Variants in BRD9 observed in about 807,000 individuals in gnomAD.
BRD9 encodes bromodomain containing 9, also known as bromodomain-containing protein 9.
In BRD9, 47 loss-of-function variants were observed where a neutral mutation model predicts 68.7. The observed-to-expected ratio is 0.68, with a 90% CI of 0.54 to 0.87. The LOEUF (loss-of-function observed/expected upper bound fraction) is 0.87. Among genes scored for constraint, BRD9 ranks in the 40% least tolerant of loss-of-function variants. The pLI, the probability that BRD9 is intolerant of heterozygous loss-of-function variation, is 0.00. For synonymous variants in BRD9, 313 were observed against 293.9 expected (o/e 1.06, Z -0.67); for missense variants, 670 against 748.4 (o/e 0.90, Z 1.22).
intron 10 of BRD9, chr5:878,793 C>A: frequency 2.6e-6 from 1 of 388,286 alleles, no homozygotes; most frequent in Middle Eastern, 7.1e-4. Flanking sequence ...CCGTCTGTCA[C>A]TGTGGAGGAT....
At chr5:884,655 C>T (rs55935400) in intron 7 of BRD9, among the ~76,000 whole-genome samples, 4,539 of 152,358 alleles carry the variant, frequency 0.03, 95 homozygotes, top group Middle Eastern at 0.071. Context: ...TAGAAGCAAG[C>T]GAGTGGGCTC....
chr5:888,312 T>C (rs1438582875), intron 5 of BRD9: 1 of 152,328 alleles, frequency 6.6e-6, no homozygotes, highest in Non-Finnish European at 1.5e-5. Flanking sequence ...GCTCTTAACA[T>C]CTACCCTCAG....
chr5:889,550 C>G lies in BRD9; in HGVS notation c.461+37G>C, dbSNP rs754929244. ...CCTCAGAAAAGATGACACCACACCC[C>G]CCCAGACACTAGCTCTTCAGAAACG... On this transcript the variant is annotated intron_variant, in intron 4 of 15. Coordinates refer to ENST00000467963, the MANE Select transcript of BRD9 (RefSeq NM_023924.5). The G allele has an allele frequency of 9.9e-6, 16 of 1,608,626 alleles. No individual in the cohort carries two copies. In the Admixed American group the frequency reaches 2.2e-4, roughly 22 times the overall value.
chr5:873,995 T>C (rs57723316), intron 12 of BRD9, among the ~76,000 whole-genome samples: 5,740 of 152,328 alleles, frequency 0.038, 341 homozygotes, highest in African/African-American at 0.13. Context: ...ATCCGGCCAT[T>C]ATCCACAAGT....
intron 12 of BRD9, 68 bp from the exon 13 acceptor site, chr5:871,632 A>G: frequency 1.4e-6 from 2 of 1,403,448 alleles, no homozygotes; most frequent in Non-Finnish European, 2.0e-6. Flanking sequence ...CAATTCGCTG[A>G]CATTACACAC....
chr5:889,776 T>A (rs775412702), intron 3 of BRD9, 129 bp from the exon 4 acceptor site: 1 of 1,512,874 alleles, frequency 6.6e-7, no homozygotes, highest in East Asian at 2.7e-5. Context: ...ACTGGGGATA[T>A]AAAGATACAT....
intron 3 of BRD9, among the ~76,000 whole-genome samples, chr5:890,739 C>A (rs991926238): frequency 6.6e-6 from 1 of 152,190 alleles, no homozygotes; most frequent in Non-Finnish European, 1.5e-5. Context: ...GGCTACTGTT[C>A]CAATACTGTC....
intron 4 of BRD9, 116 bp from the exon 5 acceptor site, chr5:889,281 G>T: frequency 8.7e-7 from 1 of 1,145,262 alleles, no homozygotes; most frequent in Non-Finnish European, 1.2e-6. Flanking sequence ...AAATAAAAAA[G>T]TTACGAGCGT....
At position 883,821 on chromosome 5, in the gene BRD9, C is replaced by G. The variant is rs534598006; in HGVS notation, c.966+117G>C. 4 of 1,436,474 alleles carry G rather than the reference C, an allele frequency of 2.8e-6. No homozygotes were observed. The Admixed American group carries it at 8.1e-5, about 29-fold the overall frequency. The allele number at this position is 1,436,474 out of a possible 1,614,324, so 89.0% of individuals were successfully genotyped here. Reference sequence around the variant, plus strand: ...ATCCGGACCTCCCGTCAGGGCCCCACGCTGACCTCTGGATCCCGGTGGCTG... The same window carrying G: ...ATCCGGACCTCCCGTCAGGGCCCCAGGCTGACCTCTGGATCCCGGTGGCTG... On this transcript the variant is annotated intron_variant, in intron 8 of 15. Coordinates refer to ENST00000467963, the MANE Select transcript of BRD9 (RefSeq NM_023924.5).
chr5:881,097 G>A lies in BRD9; in HGVS notation c.1042+10C>T, dbSNP rs776296903. ...GGAGAGCATAAAGCCAGCCCTGAGC[G>A]GGCACCCACCATCAGCGTCCGGCTC... On this transcript the variant is annotated intron_variant, in intron 9 of 15. Coordinates refer to ENST00000467963, the MANE Select transcript of BRD9 (RefSeq NM_023924.5). 2.5e-5 allele frequency: 41 copies of A among 1,613,608 alleles called. No homozygotes were observed. Among genetic ancestry groups the A allele is most frequent in the South Asian group, 1.1e-4 (10 of 91,072 alleles).
rs1752609804 is a variant in BRD9, at chr5:886,645, T to C, written c.780A>G (p.Pro260=). Residue 260 remains proline, a synonymous_variant, in exon 7 of 16, where the codon CCA becomes CCG. Transcript: ENST00000467963. The part of the protein sequence containing the change: ...AVEEPVPEVV[P]VQVETAKKSK... ...ATTTCTTGGCAGTTTCTACTTGTAC[T>C]GGTACAACTTCAGGGACAGGTTCCT... The C allele has an allele frequency of 6.2e-7, 1 of 1,614,210 alleles. No homozygotes were observed. The highest frequency in any genetic ancestry group is 1.1e-5 in the South Asian group (1 of 91,088).
At position 883,938 on chromosome 5, in the gene BRD9, C is replaced by T; in HGVS notation, c.966G>A (p.Lys322=). The stretch of plus-strand genomic sequence containing the variant: ...TCTCTCGGTGGCCACAGAGCACTAC[C>T]TTGCCGCCTGGGAGGAACCGGTTGA... ...DRINRFLPGG[K]MGYLKRNGDG... is the part of the protein sequence containing the mutation. The change falls in exon 8 of 16, where the codon AAG becomes AAA. Residue 322 remains lysine, a splice_region_variant and synonymous_variant. Transcript: ENST00000467963. The T allele has an allele frequency of 6.2e-7, 1 of 1,610,962 alleles. No homozygotes were observed. Among genetic ancestry groups the T allele is most frequent in the South Asian group, 1.1e-5 (1 of 91,010 alleles).
At chr5:886,866 G>A in intron 6 of BRD9, 159 bp from the exon 7 acceptor site, 1 of 1,304,656 alleles carries the variant, frequency 7.7e-7, no homozygotes, top group Non-Finnish European at 1.0e-6. Context: ...AGCCTCACCT[G>A]GCCTAAGAGC....
chr5:881,086 C>T (rs1004968301), intron 9 of BRD9, 21 bp downstream of exon 9: 1 of 1,612,814 alleles, frequency 6.2e-7, no homozygotes, highest in African/African-American at 1.3e-5. Flanking sequence ...AGCATAAAGC[C>T]AGCCCTGAGC....
intron 3 of BRD9, 121 bp from the exon 4 acceptor site, chr5:889,768 TGG>T (rs1351696138): frequency 1.3e-6 from 2 of 1,526,522 alleles, no homozygotes; most frequent in South Asian, 2.3e-5. Context: ...CACCGAGAAC[TGG>T]GGATATAAAG....
At position 865,363 on chromosome 5, in the gene BRD9, A is replaced by G. The variant is rs560270656; in HGVS notation, c.1693+51T>C. 1,646 of 1,514,438 alleles carry G rather than the reference A, an allele frequency of 1.1e-3. 29 individuals are homozygous for G. The South Asian group carries it at 0.019, about 18-fold the overall frequency. The allele number at this position is 1,514,438 out of a possible 1,614,324, so 93.8% of individuals were successfully genotyped here. On this transcript the variant is annotated intron_variant, in intron 15 of 15. Transcript: ENST00000467963. Reference sequence around the variant, plus strand: ...GCCCACTACCTCGTCTAGACGTCACACTGACTGTGCTGGGGTCTCTGGGGA... The same window carrying G: ...GCCCACTACCTCGTCTAGACGTCACGCTGACTGTGCTGGGGTCTCTGGGGA...
At chr5:890,145 A>G (rs988990824) in intron 3 of BRD9, 10 of 253,638 alleles carry the variant, frequency 3.9e-5, no homozygotes, top group Non-Finnish European at 7.1e-5. Flanking sequence ...CCAGGAGTGA[A>G]TCACGACACT....
Position 889,091 on chromosome 5 carries a change from T to C in BRD9, c.536A>G (p.His179Arg), listed in dbSNP as rs984336531. 2.6e-5 allele frequency: 42 copies of C among 1,611,662 alleles called. No individual in the cohort carries two copies. Among genetic ancestry groups the C allele is most frequent in the Non-Finnish European group, 3.6e-5 (42 of 1,179,398 alleles). The change falls in exon 5 of 16, where the codon CAT becomes CGT. Residue 179 changes from histidine (H) to arginine (R), a missense_variant. This residue lies in a region of BRD9 where 94 missense variants were observed against 157.2 expected (regional missense o/e 0.60). Coordinates refer to ENST00000467963, the MANE Select transcript of BRD9 (RefSeq NM_023924.5). ...IAPGYSMIIK[H>R]PMDFGTMKDK... ...TTTCATGGTGCCAAAATCCATGGGA[T>C]GTTTTATTATCATTGAATATCCAGG...
rs760695834 is a variant in BRD9, at chr5:889,741, C to T, written c.401-94G>A. Reference sequence around the variant, plus strand: ...CACAGTATCTGTCTGTCTGGTGTCTCACAGCATTTTAAGTTCCACCGAGAA... The same window carrying T: ...CACAGTATCTGTCTGTCTGGTGTCTTACAGCATTTTAAGTTCCACCGAGAA... On this transcript the variant is annotated intron_variant, in intron 3 of 15. Coordinates refer to ENST00000467963, the MANE Select transcript of BRD9 (RefSeq NM_023924.5). The T allele has an allele frequency of 9.5e-6, 15 of 1,574,778 alleles. No individual in the cohort carries two copies. The South Asian group carries it at 1.7e-4, about 18-fold the overall frequency.
Sources: gnomAD v4.1 joint callset for allele counts (sites outside exome capture counted in the v4.1 genomes callset) on GRCh38, gnomAD v4.1.1 for gene constraint, gnomAD v4.1.1 regional missense constraint, MANE v1.5 for transcripts, NCBI Gene and HGNC (gene_info 2026-07-23, HGNC 2026-07-21) for gene names.